RAP1GAP2: variants seen among roughly 807,000 people sequenced by gnomAD.
RAP1GAP2 encodes rap1 GTPase-activating protein 2.
Under a neutral mutation model 95.0 loss-of-function variants are expected in RAP1GAP2, and 27 were observed. The observed-to-expected ratio is 0.28, with a 90% confidence interval of 0.21 to 0.39. The LOEUF (loss-of-function observed/expected upper bound fraction) is 0.39. RAP1GAP2 is among the 10% of genes least tolerant of loss of function. The pLI is 1.00. For synonymous variants in RAP1GAP2, 373 were observed against 380.9 expected, an observed-to-expected ratio of 0.98 and a Z score of 0.24; for missense variants, 771 against 970.0, an observed-to-expected ratio of 0.79 and a Z score of 2.72.
rs2042050242 is a variant in RAP1GAP2 at position 2,902,305 on chromosome 17, C to G, written c.81-2979C>G. Among the ~76,000 whole-genome samples the G allele has an allele frequency of 2.6e-5, 4 of 152,160 alleles. No homozygotes were observed. In the South Asian group the frequency reaches 8.3e-4, roughly 31 times the overall value. Reference sequence around the variant, plus strand: ...GATCTCAGCTCACTGCAACCTCCACCTCTTGGGTTCAAGCGATTCTCTTGC... The same window carrying G: ...GATCTCAGCTCACTGCAACCTCCACGTCTTGGGTTCAAGCGATTCTCTTGC... On this transcript the variant is annotated intron_variant, in intron 2 of 24. Coordinates refer to ENST00000254695, the MANE Select transcript of RAP1GAP2 (RefSeq NM_015085.5). The surrounding 1 kb of genome is among the most constrained non-coding windows in gnomAD (Gnocchi z 4.1).
chr17:2,840,454 T>C (rs2317456), intron 2 of RAP1GAP2, among the ~76,000 whole-genome samples: 120,228 of 152,152 alleles, frequency 0.79, 48,213 homozygotes, highest in African/African-American at 0.94. Context: ...TGAGCCACAG[T>C]GCCCGGCTGT....
Position 2,826,146 on chromosome 17 carries a change from A to C in RAP1GAP2, c.80+25596A>C, listed in dbSNP as rs1321743306. On this transcript the variant is annotated intron_variant, in intron 2 of 24. Transcript: ENST00000254695. ...CAGGCACCCACCACCACGCCCAGCA[A>C]ATTTTTTTTTTTTTTTTTTTTTGTA... is the stretch of plus-strand genomic sequence containing the variant. 4.2e-5 allele frequency among the ~76,000 whole-genome samples: 3 copies of C among 71,622 alleles called. No individual in the cohort carries two copies. In the Admixed American group the frequency reaches 4.8e-4, roughly 11 times the overall value. The allele number at this position is 71,622 out of a possible 152,430, so 47.0% of individuals were successfully genotyped here.
chr17:2,824,921 A>C (rs1286985901), intron 2 of RAP1GAP2, among the ~76,000 whole-genome samples: 1 of 151,966 alleles, frequency 6.6e-6, no homozygotes, highest in African/African-American at 2.4e-5. Context: ...ATTTTACCCC[A>C]AAACGTATCA....
chr17:2,830,379 T>G (rs1185032682), intron 2 of RAP1GAP2, among the ~76,000 whole-genome samples: 1 of 148,700 alleles, frequency 6.7e-6, no homozygotes, highest in Non-Finnish European at 1.5e-5. Flanking sequence ...ATCGTGCCAT[T>G]GCACTCCAGT....
chr17:2,889,878 TATATATA>T (rs2073635481), intron 2 of RAP1GAP2, among the ~76,000 whole-genome samples: 1 of 80,266 alleles, frequency 1.2e-5, no homozygotes, highest in African/African-American at 5.6e-5. Context: ...TATATATATA[TATATATA>T]TATATTTTTT....
rs1187818322 is a variant in RAP1GAP2 at position 2,945,362 on chromosome 17, A to G, written c.166-12397A>G. On this transcript the variant is annotated intron_variant, in intron 3 of 24. Coordinates refer to ENST00000254695, the MANE Select transcript of RAP1GAP2 (RefSeq NM_015085.5). ...TGCAATTTTGCAGACTTCCTTTATCAGCTCTAGTAGATTTTGTGCATGTGT... is the reference window on the plus strand; with the variant it reads ...TGCAATTTTGCAGACTTCCTTTATCGGCTCTAGTAGATTTTGTGCATGTGT... Among the ~76,000 whole-genome samples the G allele has an allele frequency of 2.6e-5, 4 of 152,262 alleles. No individual in the cohort carries two copies. In the East Asian group the frequency reaches 7.7e-4, roughly 29 times the overall value.
intron 7 of RAP1GAP2, chr17:2,964,663 A>G (rs888763124): frequency 2.6e-5 from 4 of 153,684 alleles, no homozygotes; most frequent in African/African-American, 9.7e-5. Flanking sequence ...TCGAGGAAAA[A>G]TGTGTTCTCA....
At chr17:2,974,594 G>A (rs532507174) in intron 8 of RAP1GAP2, among the ~76,000 whole-genome samples, 1 of 119,724 alleles carries the variant, frequency 8.4e-6, no homozygotes, top group Admixed American at 8.9e-5. Flanking sequence ...GGTAAAAAGT[G>A]GGATTTTTTT....
At chr17:2,785,759 C>T (rs990584587) in intron 1 of RAP1GAP2, among the ~76,000 whole-genome samples, 14 of 152,136 alleles carry the variant, frequency 9.2e-5, no homozygotes, top group South Asian at 2.1e-4. Context: ...TTCTTTAATC[C>T]GGTGTCTGAG....
At chr17:2,916,832 G>A (rs984772089) in intron 3 of RAP1GAP2, among the ~76,000 whole-genome samples, 9 of 152,220 alleles carry the variant, frequency 5.9e-5, no homozygotes, top group Non-Finnish European at 1.2e-4. Flanking sequence ...GGAACCCAGA[G>A]TAGCTGGCTC....
At chr17:2,829,902 T>A (rs2070754706) in intron 2 of RAP1GAP2, among the ~76,000 whole-genome samples, 1 of 150,942 alleles carries the variant, frequency 6.6e-6, no homozygotes, top group African/African-American at 2.4e-5. Context: ...TCCTTCTGCC[T>A]CAGTCTCTCG....
At chr17:2,887,027 T>C (rs1431109564) in intron 2 of RAP1GAP2, among the ~76,000 whole-genome samples, 2 of 152,136 alleles carry the variant, frequency 1.3e-5, no homozygotes, top group Non-Finnish European at 2.9e-5. Context: ...GAGTTTAGTA[T>C]AGTGCTAAGC....
chr17:3,008,452 G>A lies in RAP1GAP2; in HGVS notation c.1494+307G>A, dbSNP rs2046403766. Reference sequence around the variant, plus strand: ...AGCAGTAGGAGAGGAGCTGGAGCAAGCCAGGAACATCGGCGCTTTCACCTG... The same window carrying A: ...AGCAGTAGGAGAGGAGCTGGAGCAAACCAGGAACATCGGCGCTTTCACCTG... On this transcript the variant is annotated intron_variant, in intron 17 of 24. Transcript: ENST00000254695. The surrounding 1 kb of genome is among the most constrained non-coding windows in gnomAD (Gnocchi z 4.2). 6.6e-6 allele frequency among the ~76,000 whole-genome samples: 1 copy of A among 152,224 alleles called. No homozygotes were observed. The highest frequency in any genetic ancestry group is 1.5e-5 in the Non-Finnish European group (1 of 68,028).
At chr17:2,921,065 C>G (rs199637770) in intron 3 of RAP1GAP2, among the ~76,000 whole-genome samples, 2 of 152,148 alleles carry the variant, frequency 1.3e-5, no homozygotes, top group Non-Finnish European at 2.9e-5. Flanking sequence ...GGAGCCCCCC[C>G]GGCAGACTCT....
At position 3,005,567 on chromosome 17, in the gene RAP1GAP2, G is replaced by A; in HGVS notation, c.1272+127G>A. 1 of 1,100,822 alleles carries A rather than the reference G, an allele frequency of 9.1e-7. No homozygotes were observed. The highest frequency in any genetic ancestry group is 1.4e-6 in the Non-Finnish European group (1 of 719,582). The allele number at this position is 1,100,822 out of a possible 1,614,324, so 68.2% of individuals were successfully genotyped here. On this transcript the variant is annotated intron_variant, in intron 15 of 24. Transcript: ENST00000254695. The surrounding 1 kb of genome is among the most constrained non-coding windows in gnomAD (Gnocchi z 5.2). ...AGGGAGCTCCTTTTGCAGGTTTTGG[G>A]GGGAACCTCCTTTCTTGGGGTCTCT...
chr17:2,756,167 C>A (rs143886058), intron 1 of RAP1GAP2, among the ~76,000 whole-genome samples: 1 of 152,378 alleles, frequency 6.6e-6, no homozygotes, highest in Non-Finnish European at 1.5e-5. Context: ...CGGGGCAGGG[C>A]TCTGGACTTG....
chr17:2,770,579 C>A (rs897828084), intron 2 of RAP1GAP2: 12 of 396,588 alleles, frequency 3.0e-5, no homozygotes, highest in Non-Finnish European at 4.9e-5. Context: ...GATGGGGAGG[C>A]CTTCTAGGAA....
At chr17:2,930,876 C>A (rs1648787757) in intron 3 of RAP1GAP2, among the ~76,000 whole-genome samples, 2 of 152,204 alleles carry the variant, frequency 1.3e-5, no homozygotes, top group South Asian at 2.1e-4. Context: ...GTAATCCCAG[C>A]ACTTTGGGAG....
At chr17:2,897,269 C>T (rs1228588518) in intron 2 of RAP1GAP2, among the ~76,000 whole-genome samples, 3 of 151,970 alleles carry the variant, frequency 2.0e-5, no homozygotes, top group South Asian at 2.1e-4. Flanking sequence ...ACCCAGGAGG[C>T]GGAGGCTGCA....
Sources: gnomAD v4.1 joint callset for allele counts (sites outside exome capture counted in the v4.1 genomes callset) on GRCh38, gnomAD v4.1.1 for gene constraint, Gnocchi (gnomAD v3.1) non-coding constraint, MANE v1.5 for transcripts, NCBI Gene and HGNC (gene_info 2026-07-23, HGNC 2026-07-21) for gene names.